Variants in CPNE8 observed in about 807,000 individuals in gnomAD.
The protein encoded by CPNE8 is copine 8, also known as copine-8.
In CPNE8, 45 loss-of-function variants were observed where a neutral mutation model predicts 81.5. The ratio of observed to expected loss-of-function variants is 0.55; its 90% CI spans 0.44 to 0.71. The LOEUF (loss-of-function observed/expected upper bound fraction) is 0.71. Ranked by LOEUF, CPNE8 falls within the 30% of genes least tolerant of loss-of-function variation. The pLI is 0.00. For synonymous variants in CPNE8, 252 were observed against 226.3 expected (o/e 1.11, Z -1.02); for missense variants, 594 against 672.1 (o/e 0.88, Z 1.28).
chr12:38,739,979 C>T (rs1258443776), intron 10 of CPNE8, among the ~76,000 whole-genome samples: 1 of 152,112 alleles, frequency 6.6e-6, no homozygotes, highest in Non-Finnish European at 1.5e-5. Context: ...GGAAACATAA[C>T]ACCAGGGATA....
intron 6 of CPNE8, among the ~76,000 whole-genome samples, chr12:38,810,915 A>G (rs573314916): frequency 6.6e-6 from 1 of 152,126 alleles, no homozygotes; most frequent in Non-Finnish European, 1.5e-5. Context: ...CATTCTTTCA[A>G]TCTCTTAGAC....
At chr12:38,748,299 C>T (rs940501879) in intron 10 of CPNE8, among the ~76,000 whole-genome samples, 48 of 152,274 alleles carry the variant, frequency 3.2e-4, no homozygotes, top group African/African-American at 1.1e-3. Flanking sequence ...GCATGAGCAA[C>T]CCCATCCGAA....
intron 10 of CPNE8, among the ~76,000 whole-genome samples, chr12:38,744,053 A>G (rs1906043): frequency 0.81 from 122,309 of 151,776 alleles, 52,250 homozygotes; most frequent in Middle Eastern, 0.97. Flanking sequence ...ATCTATTATA[A>G]GCAGCATCGA....
intron 6 of CPNE8, among the ~76,000 whole-genome samples, chr12:38,814,050 C>A (rs1334537942): frequency 2.6e-5 from 4 of 152,030 alleles, no homozygotes; most frequent in African/African-American, 9.6e-5. Flanking sequence ...CAAGAAGAGT[C>A]TTTGAGGATA....
chr12:38,788,235 T>A (rs1388710804), intron 6 of CPNE8, among the ~76,000 whole-genome samples: 1 of 151,746 alleles, frequency 6.6e-6, no homozygotes. Flanking sequence ...AAAACTGAAT[T>A]CAACAATACA....
chr12:38,660,125 C>T (rs903288991), intron 19 of CPNE8, among the ~76,000 whole-genome samples: 3 of 152,194 alleles, frequency 2.0e-5, no homozygotes, highest in East Asian at 1.9e-4. Context: ...TTTAAAGTTC[C>T]TATGGAACCA....
intron 5 of CPNE8, among the ~76,000 whole-genome samples, chr12:38,833,593 C>A (rs754557347): frequency 2.7e-5 from 4 of 150,942 alleles, no homozygotes; most frequent in Non-Finnish European, 5.9e-5. Context: ...ATTCTCCTGC[C>A]TCAGCCTCCC....
intron 19 of CPNE8, among the ~76,000 whole-genome samples, chr12:38,656,080 T>A (rs1345331374): frequency 2.7e-5 from 4 of 148,214 alleles, no homozygotes; most frequent in South Asian, 2.1e-4. Context: ...TTGACATTTT[T>A]AACAGAAAAA....
At chr12:38,743,173 CTTAT>C (rs1436812410) in intron 10 of CPNE8, among the ~76,000 whole-genome samples, 1 of 151,804 alleles carries the variant, frequency 6.6e-6, no homozygotes, top group Non-Finnish European at 1.5e-5. Context: ...CGTTTATGAC[CTTAT>C]TTATTAGTCA....
intron 3 of CPNE8, among the ~76,000 whole-genome samples, chr12:38,849,834 T>G (rs572213754): frequency 6.6e-6 from 1 of 152,328 alleles, no homozygotes; most frequent in South Asian, 2.1e-4. Context: ...TATTGAGTAT[T>G]TACCTTGTTC....
intron 3 of CPNE8, among the ~76,000 whole-genome samples, chr12:38,862,373 C>A (rs1943850470): frequency 6.6e-6 from 1 of 151,994 alleles, no homozygotes; most frequent in African/African-American, 2.4e-5. Flanking sequence ...AGAAGCATGT[C>A]TTTTATGTAA....
At chr12:38,798,611 C>A (rs192210052) in intron 6 of CPNE8, among the ~76,000 whole-genome samples, 1 of 151,938 alleles carries the variant, frequency 6.6e-6, no homozygotes, top group African/African-American at 2.4e-5. Flanking sequence ...ATTGTAAAGA[C>A]CATCGAGACT....
intron 15 of CPNE8, among the ~76,000 whole-genome samples, chr12:38,691,165 G>A (rs1939666763): frequency 6.6e-6 from 1 of 152,176 alleles, no homozygotes; most frequent in African/African-American, 2.4e-5. Flanking sequence ...GATTACAGGT[G>A]CTTTTATAAG....
chr12:38,784,095 T>C (rs1320181770), intron 6 of CPNE8, among the ~76,000 whole-genome samples: 3 of 152,316 alleles, frequency 2.0e-5, no homozygotes, highest in South Asian at 4.1e-4. Context: ...AATAGCTGTT[T>C]TGAGGGAACT....
chr12:38,712,329 C>A (rs1940280479), intron 13 of CPNE8, among the ~76,000 whole-genome samples: 1 of 151,886 alleles, frequency 6.6e-6, no homozygotes, highest in East Asian at 1.9e-4. Context: ...TGCACCTTAG[C>A]CCACTGAGTA....
chr12:38,859,413 C>T (rs1943796329), intron 3 of CPNE8, among the ~76,000 whole-genome samples: 1 of 151,936 alleles, frequency 6.6e-6, no homozygotes, highest in Non-Finnish European at 1.5e-5. Flanking sequence ...GAACACAAAG[C>T]ATGAATGAAA....
At chr12:38,902,296 A>AAAGGAAGGAAGGAAGGAAGGAAGGAAGG in intron 1 of CPNE8, among the ~76,000 whole-genome samples, 1 of 56,164 alleles carries the variant, frequency 1.8e-5, no homozygotes, top group African/African-American at 1.0e-4. Flanking sequence ...GGAAGGAAGG[A>AAAGGAAGGAAGGAAGGAAGGAAGGAAGG]AAGGAAGGAA....
chr12:38,851,834 C>A (rs563587149), intron 3 of CPNE8, among the ~76,000 whole-genome samples: 3 of 152,268 alleles, frequency 2.0e-5, no homozygotes, highest in Non-Finnish European at 4.4e-5. Flanking sequence ...TCCTCTCTAA[C>A]CTCATTTTAG....
At chr12:38,882,229 G>A (rs1364491897) in intron 1 of CPNE8, among the ~76,000 whole-genome samples, 1 of 152,188 alleles carries the variant, frequency 6.6e-6, no homozygotes, top group African/African-American at 2.4e-5. Flanking sequence ...GGCAGAGGGA[G>A]ATTTGACACT....
Sources: gnomAD v4.1 joint callset for allele counts (sites outside exome capture counted in the v4.1 genomes callset) on GRCh38, gnomAD v4.1.1 for gene constraint, MANE v1.5 for transcripts, NCBI Gene and HGNC (gene_info 2026-07-23, HGNC 2026-07-21) for gene names.